The following PSKH1 variants were observed in gnomAD, a reference collection of about 807,000 sequenced individuals.
PSKH1 encodes the protein protein serine kinase H1, also known as serine/threonine-protein kinase H1.
Under a neutral mutation model 26.7 loss-of-function variants are expected in PSKH1, and 12 were observed. The ratio of observed to expected loss-of-function variants is 0.45; its 90% CI spans 0.29 to 0.73. The LOEUF (loss-of-function observed/expected upper bound fraction) is 0.73, where lower values mean the gene tolerates loss of function less well. Among genes scored for constraint, PSKH1 ranks in the 30% least tolerant of loss-of-function variants. PSKH1 has a pLI of 0.11. For missense variants in PSKH1, 431 were observed against 595.2 expected (o/e 0.72, Z 2.87); for synonymous variants, 213 against 234.3 (o/e 0.91, Z 0.83).
At chr16:67,907,734 G>A (rs2058160644) in intron 1 of PSKH1, among the ~76,000 whole-genome samples, 1 of 152,180 alleles carries the variant, frequency 6.6e-6, no homozygotes, top group South Asian at 2.1e-4. Flanking sequence ...GGAATAGGGA[G>A]TTAAACTGCC....
chr16:67,899,679 G>T (rs988002653), intron 1 of PSKH1, among the ~76,000 whole-genome samples: 8 of 151,090 alleles, frequency 5.3e-5, no homozygotes, highest in Non-Finnish European at 1.0e-4. Flanking sequence ...ATGGAGTCCT[G>T]CTCTGTTGCC....
At chr16:67,910,305 C>G (rs1280252389) in intron 2 of PSKH1, among the ~76,000 whole-genome samples, 1 of 152,136 alleles carries the variant, frequency 6.6e-6, no homozygotes, top group African/African-American at 2.4e-5. Context: ...TGCAGATGAG[C>G]TCAGGGGGTG....
rs777877663 is a variant in PSKH1 at position 67,909,723 on chromosome 16, CCT to C, written c.957+18_957+19del. On this transcript the variant is annotated intron_variant, in intron 2 of 2. Coordinates refer to ENST00000291041, the MANE Select transcript of PSKH1 (RefSeq NM_006742.3). The surrounding 1 kb of genome is among the most constrained non-coding windows in gnomAD (Gnocchi z 7.8). ...TCTGGGGAGGTGAGTCTGTCCTGCCCCTGTCCTGGATGTTGGGGAGGCACCTG... is the reference window on the plus strand; with the variant it reads ...TCTGGGGAGGTGAGTCTGTCCTGCCCGTCCTGGATGTTGGGGAGGCACCTG... 1.2e-5 allele frequency: 20 copies of C among 1,602,050 alleles called. No individual in the cohort carries two copies. Among genetic ancestry groups the C allele is most frequent in the East Asian group, 6.7e-5 (3 of 44,748 alleles).
rs772100772 is a variant in PSKH1, at chr16:67,909,768, T to A, written c.957+62T>A. On this transcript the variant is annotated intron_variant, in intron 2 of 2. Transcript: ENST00000291041. This position sits in a 1 kb window ranked among gnomAD's most constrained non-coding sequence, Gnocchi z 7.8. ...GGCACCTGCGGGGGCAGGTATATCC[T>A]GCAGCTCTCAGTCAGAGGTATGTCC... The A allele has an allele frequency of 4.8e-6, 7 of 1,461,724 alleles. No homozygotes were observed. Among genetic ancestry groups the A allele is most frequent in the Non-Finnish European group, 6.5e-6 (7 of 1,068,794 alleles). The allele number at this position is 1,461,724 out of a possible 1,614,324, so 90.5% of individuals were successfully genotyped here. A position where few individuals can be genotyped will look rare whatever the true frequency, so the allele number is the denominator to read the frequency against.
At position 67,927,478 on chromosome 16, in the gene PSKH1, A is replaced by G. The variant is rs1249639695; in HGVS notation, c.1111A>G (p.Ile371Val). Reference protein sequence around the residue: ...SSSMKNLHRSISQNLLKRASS... With the variant: ...SSSMKNLHRSVSQNLLKRASS... ...ATCCATGAAGAACCTGCACCGCTCC[A>G]TATCCCAGAACCTCCTTAAACGTGC... The change falls in exon 3 of 3, where the codon ATA becomes GTA. Residue 371 changes from isoleucine (I) to valine (V), a missense_variant. By Grantham distance (29) the Ile-to-Val change is conservative. Transcript: ENST00000291041. The surrounding 1 kb of genome is among the most constrained non-coding windows in gnomAD (Gnocchi z 5.5). The G allele has an allele frequency of 4.0e-5, 64 of 1,614,114 alleles. No homozygotes were observed. The highest frequency in any genetic ancestry group is 5.3e-5 in the African/African-American group (4 of 74,946).
rs1298865610 is a variant in PSKH1, at chr16:67,928,267, A to T, written c.*625A>T. The T allele has an allele frequency of 1.3e-5, 2 of 152,436 alleles. No individual in the cohort carries two copies. Among genetic ancestry groups the T allele is most frequent in the African/African-American group, 4.8e-5 (2 of 41,272 alleles). The allele number at this position is 152,436 out of a possible 1,614,324, so 9.4% of individuals were successfully genotyped here. On this transcript the variant is annotated 3_prime_UTR_variant, in exon 3 of 3. Transcript: ENST00000291041. This position sits in a 1 kb window ranked among gnomAD's most constrained non-coding sequence, Gnocchi z 4.8. Reference sequence around the variant, plus strand: ...TCCAGGGAGCCTTCCTGGTCCCAGGACCTCTGGTGGAGGGCCATGGCGTGG... The same window carrying T: ...TCCAGGGAGCCTTCCTGGTCCCAGGTCCTCTGGTGGAGGGCCATGGCGTGG...
intron 2 of PSKH1, among the ~76,000 whole-genome samples, chr16:67,924,121 T>C (rs894254794): frequency 6.6e-6 from 1 of 152,176 alleles, no homozygotes; most frequent in African/African-American, 2.4e-5. Flanking sequence ...CTTTCCTCTG[T>C]GTACAAGGGT....
rs149240189 is a variant in PSKH1 at position 67,908,836 on chromosome 16, C to T, written c.87C>T (p.Gly29=). 21 of 1,613,986 alleles carry T rather than the reference C, an allele frequency of 1.3e-5. No individual in the cohort carries two copies. Among genetic ancestry groups the T allele is most frequent in the Admixed American group, 1.7e-5 (1 of 59,982 alleles). ...DLVKKVEPFS[G]TKSDVYKHFI... ...TCAAGAAGGTGGAGCCCTTCAGTGG[C>T]ACTAAGAGTGACGTGTACAAGCACT... The change falls in exon 2 of 3, where the codon GGC becomes GGT. Residue 29 remains glycine (G), a synonymous_variant. Transcript: ENST00000291041.
chr16:67,923,878 G>A lies in PSKH1; in HGVS notation c.958-3447G>A, dbSNP rs1233019787. Among the ~76,000 whole-genome samples, 6 of 152,188 alleles carry A rather than the reference G, an allele frequency of 3.9e-5. No homozygotes were observed. In the South Asian group the frequency reaches 6.2e-4, roughly 16 times the overall value. On this transcript the variant is annotated intron_variant, in intron 2 of 2. Transcript: ENST00000291041. ...GCCCTTGGCTGACACACATACTTAC[G>A]TGGCTCCAGGGGAAGCAGGTGGGTT...
chr16:67,917,608 G>A (rs1018268211), intron 2 of PSKH1, among the ~76,000 whole-genome samples: 10 of 152,194 alleles, frequency 6.6e-5, no homozygotes, highest in Non-Finnish European at 1.2e-4. Context: ...CCTGGGAAGC[G>A]TCCCAAATGT....
chr16:67,905,516 C>T (rs1217145071), intron 1 of PSKH1, among the ~76,000 whole-genome samples: 1 of 152,224 alleles, frequency 6.6e-6, no homozygotes, highest in Non-Finnish European at 1.5e-5. Context: ...CTTCACTCTA[C>T]ATTATATACT....
intron 2 of PSKH1, among the ~76,000 whole-genome samples, chr16:67,911,635 T>C (rs1324829841): frequency 6.6e-6 from 1 of 152,134 alleles, no homozygotes; most frequent in Non-Finnish European, 1.5e-5. Context: ...TAAGCCAAGA[T>C]TGTGCCATTG....
chr16:67,917,656 G>A (rs564216339), intron 2 of PSKH1, among the ~76,000 whole-genome samples: 1 of 152,322 alleles, frequency 6.6e-6, no homozygotes, highest in East Asian at 1.9e-4. Flanking sequence ...AGCCAGTGGA[G>A]TGCTCCCCTC....
At chr16:67,899,570 C>T (rs542321040) in intron 1 of PSKH1, among the ~76,000 whole-genome samples, 17 of 152,204 alleles carry the variant, frequency 1.1e-4, no homozygotes, top group Admixed American at 9.2e-4. Context: ...CTCCTGTCCT[C>T]GTGATCGGCC....
chr16:67,920,929 T>C (rs1406640300), intron 2 of PSKH1, among the ~76,000 whole-genome samples: 1 of 150,874 alleles, frequency 6.6e-6, no homozygotes, highest in Non-Finnish European at 1.5e-5. Flanking sequence ...GTGGATGAGA[T>C]GGTTACAGTC....
At chr16:67,923,719 G>A (rs1254165612) in intron 2 of PSKH1, among the ~76,000 whole-genome samples, 1 of 152,220 alleles carries the variant, frequency 6.6e-6, no homozygotes, top group Non-Finnish European at 1.5e-5. Context: ...GTGTGTCCCT[G>A]GTATGGCTCA....
At chr16:67,906,966 ACT>A (rs953962001) in intron 1 of PSKH1, among the ~76,000 whole-genome samples, 1 of 146,070 alleles carries the variant, frequency 6.8e-6, no homozygotes, top group South Asian at 2.2e-4. Context: ...AGCCCCTCTG[ACT>A]CTTTTTTTTT....
rs1238649632 is a variant in PSKH1, at chr16:67,909,828, A to G, written c.957+122A>G. The stretch of plus-strand genomic sequence containing the variant: ...TGCTCGTGAGGGCCAGGCAGGTCAT[A>G]TAAAAGGGACAAAGTGAGACTATCA... On this transcript the variant is annotated intron_variant, in intron 2 of 2. Coordinates refer to ENST00000291041, the MANE Select transcript of PSKH1 (RefSeq NM_006742.3). The surrounding 1 kb of genome is among the most constrained non-coding windows in gnomAD (Gnocchi z 7.8). 2.2e-6 allele frequency: 2 copies of G among 895,714 alleles called. No homozygotes were observed. The highest frequency in any genetic ancestry group is 5.3e-5 in the East Asian group (2 of 37,650). 55.5% of individuals were successfully genotyped at this position (895,714 alleles called of 1,614,324 possible).
Position 67,893,322 on chromosome 16 carries a change from G to C in PSKH1, c.-120G>C, listed in dbSNP as rs937991690. 1.9e-5 allele frequency: 3 copies of C among 160,104 alleles called. 1 individual carries two copies. Among genetic ancestry groups the C allele is most frequent in the Admixed American group, 6.5e-5 (1 of 15,352 alleles). 9.9% of individuals were successfully genotyped at this position (160,104 alleles called of 1,614,324 possible). On this transcript the variant is annotated 5_prime_UTR_variant, in exon 1 of 3. Transcript: ENST00000291041. ...GCGGCGGCCGCTGCCATTGCCCGGAGATGGCCGGCAGAGCCGCCGAGACGC... is the reference window on the plus strand; with the variant it reads ...GCGGCGGCCGCTGCCATTGCCCGGACATGGCCGGCAGAGCCGCCGAGACGC...
Sources: gnomAD v4.1 joint callset for allele counts (sites outside exome capture counted in the v4.1 genomes callset) on GRCh38, gnomAD v4.1.1 for gene constraint, Gnocchi (gnomAD v3.1) non-coding constraint, MANE v1.5 for transcripts, NCBI Gene and HGNC (gene_info 2026-07-23, HGNC 2026-07-21) for gene names.